Variants in DCDC2C observed in about 807,000 individuals in gnomAD.
The protein encoded by DCDC2C is doublecortin domain-containing protein 2C.
A neutral mutation model predicts 45.0 loss-of-function variants in DCDC2C; 44 were observed. The observed-to-expected ratio is 0.98, with a 90% confidence interval of 0.77 to 1.26. DCDC2C has a LOEUF of 1.26. DCDC2C is among the 50% of genes most tolerant of loss of function. DCDC2C has a pLI of 0.00. For synonymous variants in DCDC2C, 187 were observed against 178.8 expected (o/e 1.05, Z -0.37); for missense variants, 447 against 468.9 (o/e 0.95, Z 0.43).
chr2:3,828,332 T>C (rs1335227288), intron 10 of DCDC2C, among the ~76,000 whole-genome samples: 1 of 152,188 alleles, frequency 6.6e-6, no homozygotes, highest in African/African-American at 2.4e-5. Context: ...GCCAGGAAAG[T>C]GGTGTGCTGG....
At chr2:3,846,145 C>T (rs1025565438) in intron 10 of DCDC2C, among the ~76,000 whole-genome samples, 2 of 151,500 alleles carry the variant, frequency 1.3e-5, no homozygotes, top group South Asian at 2.1e-4. Flanking sequence ...CCTCTTCTTC[C>T]TCCTCCTCCT....
chr2:3,752,956 C>G (rs1669585615), intron 5 of DCDC2C, 56 bp downstream of exon 5: 1 of 1,522,758 alleles, frequency 6.6e-7, no homozygotes, highest in Non-Finnish European at 8.9e-7. Context: ...TAGCCTTTTC[C>G]CCAGTATCTC....
Position 3,785,112 on chromosome 2 carries a change from C to A in DCDC2C, c.1065+12C>A. On this transcript the variant is annotated intron_variant, in intron 10 of 10. Transcript: ENST00000399143. ...ACGTTGAAAGAAAGGTTTGTATCAA[C>A]AACAAATGCTGTAGTTTTGCGTTTT... 1.6e-6 allele frequency: 2 copies of A among 1,231,682 alleles called. No individual in the cohort carries two copies. Among genetic ancestry groups the A allele is most frequent in the South Asian group, 8.2e-5 (2 of 24,318 alleles). 76.3% of individuals were successfully genotyped at this position (1,231,682 alleles called of 1,614,324 possible).
At chr2:3,775,209 G>A (rs1168554913) in intron 8 of DCDC2C, among the ~76,000 whole-genome samples, 1 of 92,166 alleles carries the variant, frequency 1.1e-5, no homozygotes, top group Non-Finnish European at 2.1e-5. Flanking sequence ...CTAGGCAGCT[G>A]TGGCTGTGGA....
intron 3 of DCDC2C, among the ~76,000 whole-genome samples, chr2:3,733,025 T>C (rs1668917956): frequency 6.6e-6 from 1 of 152,228 alleles, no homozygotes; most frequent in African/African-American, 2.4e-5. Flanking sequence ...ATAGAGAGGA[T>C]ACCCCAAGTG....
chr2:3,761,894 C>A lies in DCDC2C; in HGVS notation c.727-5860C>A, dbSNP rs1477890362. ...ATATAGCTGGATTAATTGAAATAGG[C>A]TCTGGAGAAAAATAATAGTCTTTAA... On this transcript the variant is annotated intron_variant, in intron 6 of 10. Transcript: ENST00000399143. The surrounding 1 kb of genome is among the most constrained non-coding windows in gnomAD (Gnocchi z 4.3). 6.6e-6 allele frequency among the ~76,000 whole-genome samples: 1 copy of A among 152,132 alleles called. No individual in the cohort carries two copies. Among genetic ancestry groups the A allele is most frequent in the African/African-American group, 2.4e-5 (1 of 41,422 alleles).
intron 10 of DCDC2C, among the ~76,000 whole-genome samples, chr2:3,840,371 C>T (rs59424897): frequency 6.6e-6 from 1 of 152,300 alleles, no homozygotes; most frequent in East Asian, 1.9e-4. Flanking sequence ...CTGTGAACTC[C>T]TATGAGGAAG....
chr2:3,833,007 T>C (rs1454234), intron 10 of DCDC2C, among the ~76,000 whole-genome samples: 53,552 of 152,102 alleles, frequency 0.35, 9,527 homozygotes, highest in South Asian at 0.4. Flanking sequence ...CTGCATTCCT[T>C]TCTGGAGGCT....
intron 10 of DCDC2C, among the ~76,000 whole-genome samples, chr2:3,830,140 A>G (rs573537750): frequency 2.6e-5 from 4 of 152,278 alleles, no homozygotes; most frequent in African/African-American, 7.2e-5. Flanking sequence ...AGAAAACCCA[A>G]TGGTTAATGT....
chr2:3,766,968 G>A (rs539645175), intron 6 of DCDC2C, among the ~76,000 whole-genome samples: 1 of 152,310 alleles, frequency 6.6e-6, no homozygotes, highest in South Asian at 2.1e-4. Flanking sequence ...GGGCAGTGAC[G>A]GCCACAGCTC....
At chr2:3,790,268 G>A (rs1670769313) in intron 10 of DCDC2C, among the ~76,000 whole-genome samples, 1 of 152,220 alleles carries the variant, frequency 6.6e-6, no homozygotes. Flanking sequence ...ATAAAACAGT[G>A]CAGCCTCTTT....
At chr2:3,831,424 A>T (rs1671949971) in intron 10 of DCDC2C, among the ~76,000 whole-genome samples, 1 of 152,232 alleles carries the variant, frequency 6.6e-6, no homozygotes, top group African/African-American at 2.4e-5. Context: ...AAACCTGTAC[A>T]GTAAATGACC....
rs939060453 is a variant in DCDC2C at position 3,842,320 on chromosome 2, ACTGT to A, written c.1066-4830_1066-4827del. On this transcript the variant is annotated intron_variant, in intron 10 of 10. Coordinates refer to ENST00000399143, the MANE Select transcript of DCDC2C (RefSeq NM_001287444.2). ...AAATATACCACAGAGACAACGATTG[ACTGT>A]CTGGGCCTGGGAGGGAGGCTGCAGC... Among the ~76,000 whole-genome samples the A allele has an allele frequency of 4.3e-4, 66 of 152,202 alleles. 1 individual carries two copies. The highest frequency in any genetic ancestry group is 1.5e-3 in the African/African-American group (64 of 41,526).
Position 3,818,082 on chromosome 2 carries a change from A to G in DCDC2C, c.1066-29072A>G, listed in dbSNP as rs75000587. 0.02 allele frequency among the ~76,000 whole-genome samples: 2,994 copies of G among 152,192 alleles called. 111 individuals carry two copies. The highest frequency in any genetic ancestry group is 0.069 in the African/African-American group (2,848 of 41,508). Reference sequence around the variant, plus strand: ...TGGGCTTTGGAGGGGGATATGAGATATCCTTTTGAGAATAGATGTTGGAAG... The same window carrying G: ...TGGGCTTTGGAGGGGGATATGAGATGTCCTTTTGAGAATAGATGTTGGAAG... On this transcript the variant is annotated intron_variant, in intron 10 of 10. Coordinates refer to ENST00000399143, the MANE Select transcript of DCDC2C (RefSeq NM_001287444.2). This position sits in a 1 kb window ranked among gnomAD's most constrained non-coding sequence, Gnocchi z 4.7.
intron 2 of DCDC2C, among the ~76,000 whole-genome samples, chr2:3,718,362 G>T (rs1390154835): frequency 6.6e-6 from 1 of 152,152 alleles, no homozygotes; most frequent in Non-Finnish European, 1.5e-5. Flanking sequence ...CTATGGGACG[G>T]CTTCTCTGGC....
intron 10 of DCDC2C, among the ~76,000 whole-genome samples, chr2:3,820,410 A>T (rs1265304739): frequency 6.6e-6 from 1 of 152,122 alleles, no homozygotes; most frequent in Non-Finnish European, 1.5e-5. Context: ...AAGCCCAGAG[A>T]AAAGAGAGGG....
At chr2:3,800,234 C>T (rs542243780) in intron 10 of DCDC2C, among the ~76,000 whole-genome samples, 40 of 152,300 alleles carry the variant, frequency 2.6e-4, no homozygotes, top group East Asian at 2.1e-3. Flanking sequence ...AGCTCGCACA[C>T]GGTGCGCGCA....
chr2:3,811,115 AG>A (rs1671380393), intron 10 of DCDC2C, among the ~76,000 whole-genome samples: 2 of 152,254 alleles, frequency 1.3e-5, no homozygotes, highest in African/African-American at 4.8e-5. Flanking sequence ...AATTCTGTGA[AG>A]AATGTCAATG....
At chr2:3,774,428 C>A (rs1018198170) in intron 8 of DCDC2C, among the ~76,000 whole-genome samples, 7 of 152,216 alleles carry the variant, frequency 4.6e-5, no homozygotes, top group African/African-American at 1.7e-4. Context: ...CGGGGAGTGG[C>A]TGGGCACCCC....
Sources: gnomAD v4.1 joint callset for allele counts (sites outside exome capture counted in the v4.1 genomes callset) on GRCh38, gnomAD v4.1.1 for gene constraint, Gnocchi (gnomAD v3.1) non-coding constraint, MANE v1.5 for transcripts, NCBI Gene and HGNC (gene_info 2026-07-23, HGNC 2026-07-21) for gene names.